The following PRDM16 variants were observed in gnomAD, a reference collection of about 807,000 sequenced individuals.
PRDM16 encodes the protein PR/SET domain 16, also known as histone-lysine N-methyltransferase PRDM16.
In PRDM16, 23 loss-of-function variants were observed where a neutral mutation model predicts 110.6. That is an observed-to-expected ratio of 0.21 (90% CI 0.15 to 0.29). The LOEUF (loss-of-function observed/expected upper bound fraction) is 0.29. Ranked by LOEUF, PRDM16 falls within the 10% of genes least tolerant of loss-of-function variation. The pLI, the probability that PRDM16 is intolerant of heterozygous loss-of-function variation, is 1.00. For missense variants in PRDM16, 1,615 were observed against 1,794.3 expected, an observed-to-expected ratio of 0.90 and a Z score of 1.81; for synonymous variants, 799 against 781.8, an observed-to-expected ratio of 1.02 and a Z score of -0.37.
intron 3 of PRDM16, among the ~76,000 whole-genome samples, chr1:3,312,112 C>G (rs187997063): frequency 2.0e-5 from 3 of 152,200 alleles, no homozygotes; most frequent in African/African-American, 7.2e-5. Flanking sequence ...CTCTCTGATC[C>G]TGACTCCCCC....
intron 1 of PRDM16, among the ~76,000 whole-genome samples, chr1:3,168,298 A>C (rs898740043): frequency 1.8e-4 from 2 of 10,954 alleles, no homozygotes; most frequent in Admixed American, 1.5e-3. Context: ...CTCCCGCCCC[A>C]CCCCTGCCTC....
chr1:3,286,302 G>T (rs532960949), intron 3 of PRDM16, among the ~76,000 whole-genome samples: 1 of 152,334 alleles, frequency 6.6e-6, no homozygotes, highest in South Asian at 2.1e-4. Flanking sequence ...TGCGGACCAA[G>T]GGGGGCCGCA....
chr1:3,311,454 G>A (rs572811026), intron 3 of PRDM16, among the ~76,000 whole-genome samples: 1 of 152,198 alleles, frequency 6.6e-6, no homozygotes, highest in East Asian at 1.9e-4. Context: ...ATCTGGCCCC[G>A]CCATGAAGCC....
At position 3,412,776 on chromosome 1, in the gene PRDM16, C is replaced by T; in HGVS notation, c.2579C>T (p.Pro860Leu). The change falls in exon 9 of 17, where the codon CCC becomes CTC. Residue 860 changes from proline (P) to leucine (L), a missense_variant. Physicochemically the swap from Pro to Leu is moderately conservative, Grantham distance 98 (BLOSUM62 -3). Coordinates refer to ENST00000270722, the MANE Select transcript of PRDM16 (RefSeq NM_022114.4). The stretch of plus-strand genomic sequence containing the variant: ...CCGCTCCACTACGCCAAGCCCTCGC[C>T]CTTCTTCATGGACCCCATCTACAGG... The part of the protein sequence containing the change: ...QPPLHYAKPS[P>L]FFMDPIYSRV... 1.3e-6 allele frequency: 2 copies of T among 1,482,736 alleles called. No individual in the cohort carries two copies. The highest frequency in any genetic ancestry group is 1.8e-6 in the Non-Finnish European group (2 of 1,116,164). 91.8% of individuals were successfully genotyped at this position (1,482,736 alleles called of 1,614,324 possible).
chr1:3,227,266 T>A (rs1466699429), intron 2 of PRDM16, among the ~76,000 whole-genome samples: 1 of 152,222 alleles, frequency 6.6e-6, no homozygotes, highest in Non-Finnish European at 1.5e-5. Flanking sequence ...GGGGAGTTTA[T>A]CCTCTGAAGA....
chr1:3,276,541 G>T (rs940502819), intron 3 of PRDM16, among the ~76,000 whole-genome samples: 2 of 152,246 alleles, frequency 1.3e-5, no homozygotes, highest in African/African-American at 4.8e-5. Context: ...AGGCCCCACG[G>T]CCCTAACTCC....
At chr1:3,194,935 G>A (rs942259472) in intron 2 of PRDM16, among the ~76,000 whole-genome samples, 11 of 152,204 alleles carry the variant, frequency 7.2e-5, no homozygotes, top group Admixed American at 2.0e-4. Context: ...TCCACTCTGC[G>A]TGGAGAGTTC....
At chr1:3,329,431 G>A (rs12045637) in intron 3 of PRDM16, among the ~76,000 whole-genome samples, 3,195 of 147,422 alleles carry the variant, frequency 0.022, 172 homozygotes, top group East Asian at 0.12. Context: ...TGGGATCCCC[G>A]GACAGAGCCA....
intron 3 of PRDM16, among the ~76,000 whole-genome samples, chr1:3,264,324 G>A (rs1384614709): frequency 2.6e-5 from 4 of 152,076 alleles, no homozygotes; most frequent in Non-Finnish European, 5.9e-5. Context: ...CAAGGACCCC[G>A]GGCCAGAAGG....
chr1:3,405,092 G>A (rs1643537840), intron 7 of PRDM16, among the ~76,000 whole-genome samples: 1 of 152,148 alleles, frequency 6.6e-6, no homozygotes, highest in African/African-American at 2.4e-5. Context: ...CAGGTCAGAA[G>A]GATCAGGGCC....
At chr1:3,136,404 G>A (rs1284680361) in intron 1 of PRDM16, among the ~76,000 whole-genome samples, 1 of 152,144 alleles carries the variant, frequency 6.6e-6, no homozygotes, top group Non-Finnish European at 1.5e-5. Flanking sequence ...GACAGTCCCC[G>A]CCTTAGAGTG....
chr1:3,105,874 C>T (rs1253952730), intron 1 of PRDM16, among the ~76,000 whole-genome samples: 10 of 150,512 alleles, frequency 6.6e-5, no homozygotes, highest in Admixed American at 1.3e-4. Context: ...TAGGCCAGGC[C>T]GGCCACAGAG....
chr1:3,426,994 G>A (rs1012644906), intron 14 of PRDM16, among the ~76,000 whole-genome samples: 13 of 152,232 alleles, frequency 8.5e-5, no homozygotes, highest in Non-Finnish European at 1.8e-4. Context: ...CTACACACAC[G>A]CATATGCACA....
chr1:3,423,303 G>A (rs897859952), intron 12 of PRDM16, among the ~76,000 whole-genome samples: 3 of 152,182 alleles, frequency 2.0e-5, no homozygotes, highest in African/African-American at 4.8e-5. Context: ...AGTTTCTCAC[G>A]GCCGCAGCCC....
intron 1 of PRDM16, among the ~76,000 whole-genome samples, chr1:3,147,089 C>T (rs1395731692): frequency 1.0e-4 from 13 of 130,586 alleles, no homozygotes; most frequent in African/African-American, 2.5e-4. Flanking sequence ...TGTGTGCGCT[C>T]GGTGTGGGGT....
chr1:3,184,393 G>A (rs572768852), intron 1 of PRDM16, among the ~76,000 whole-genome samples: 8 of 152,256 alleles, frequency 5.3e-5, no homozygotes, highest in Non-Finnish European at 8.8e-5. Context: ...GACAGGGTGC[G>A]GGGCGGGGGC....
At chr1:3,096,988 GTC>G (rs1241026989) in intron 1 of PRDM16, among the ~76,000 whole-genome samples, 1 of 152,208 alleles carries the variant, frequency 6.6e-6, no homozygotes, top group African/African-American at 2.4e-5. Flanking sequence ...TTCCAGTAGA[GTC>G]TCGGCTCCCT....
Position 3,196,523 on chromosome 1 carries a change from C to T in PRDM16, c.387+10049C>T, listed in dbSNP as rs1187206476. On this transcript the variant is annotated intron_variant, in intron 2 of 16. Coordinates refer to ENST00000270722, the MANE Select transcript of PRDM16 (RefSeq NM_022114.4). ...CTTGGCAGAGAGTGAGGCTCACCGC[C>T]CGGTGCCCCTGCCTGAAGCTGGGAT... Among the ~76,000 whole-genome samples the T allele has an allele frequency of 2.6e-5, 4 of 152,226 alleles. No individual in the cohort carries two copies. The East Asian group carries it at 7.7e-4, about 29-fold the overall frequency.
rs150067511 is a variant in PRDM16 at position 3,157,805 on chromosome 1, T to A, written c.38-28320T>A. Among the ~76,000 whole-genome samples the A allele has an allele frequency of 5.8e-3, 881 of 152,294 alleles. 4 individuals are homozygous for A. The highest frequency in any genetic ancestry group is 0.016 in the South Asian group (77 of 4,818). On this transcript the variant is annotated intron_variant, in intron 1 of 16. Transcript: ENST00000270722. The surrounding 1 kb of genome is among the most constrained non-coding windows in gnomAD (Gnocchi z 4.8). ...CTCGTCGGTTGGCTGAGGCTGGGGA[T>A]GTGTCCAGGGTCACCGAGGCCATCT...
Sources: gnomAD v4.1 joint callset for allele counts (sites outside exome capture counted in the v4.1 genomes callset) on GRCh38, gnomAD v4.1.1 for gene constraint, Gnocchi (gnomAD v3.1) non-coding constraint, MANE v1.5 for transcripts, NCBI Gene and HGNC (gene_info 2026-07-23, HGNC 2026-07-21) for gene names.